The following CASR variants were observed in gnomAD, a reference collection of about 807,000 sequenced individuals.
CASR encodes extracellular calcium-sensing receptor.
CASR carries 23 observed loss-of-function variants against 69.1 expected under a neutral mutation model. The ratio of observed to expected loss-of-function variants is 0.33; its 90% CI spans 0.24 to 0.47. The LOEUF is 0.47. CASR is among the 20% of genes least tolerant of loss of function. The pLI is 1.00. For missense variants in CASR, 924 were observed against 1,356.1 expected, an observed-to-expected ratio of 0.68 and a Z score of 5.00; for synonymous variants, 541 against 544.7, an observed-to-expected ratio of 0.99 and a Z score of 0.10.
intron 6 of CASR, among the ~76,000 whole-genome samples, chr3:122,282,515 G>A (rs956757795): frequency 3.9e-5 from 6 of 152,142 alleles, no homozygotes; most frequent in African/African-American, 1.4e-4. Flanking sequence ...AGAGTTTAGT[G>A]GCCCTGCATG....
At chr3:122,210,176 A>G (rs2074049116) in intron 1 of CASR, among the ~76,000 whole-genome samples, 1 of 152,230 alleles carries the variant, frequency 6.6e-6, no homozygotes, top group East Asian at 1.9e-4. Context: ...GAAAATTGGC[A>G]CAAGACAAGG....
At chr3:122,202,727 C>A (rs568038656) in intron 1 of CASR, among the ~76,000 whole-genome samples, 1 of 152,038 alleles carries the variant, frequency 6.6e-6, no homozygotes, top group Non-Finnish European at 1.5e-5. Context: ...GCTAAGAAAC[C>A]TTTCTTAAGA....
chr3:122,201,597 C>T (rs1483916240), intron 1 of CASR, among the ~76,000 whole-genome samples: 1 of 151,894 alleles, frequency 6.6e-6, no homozygotes. Context: ...GCACTCCTCA[C>T]CTCCCAGACA....
chr3:122,222,162 G>A (rs1324885130), intron 1 of CASR, among the ~76,000 whole-genome samples: 3 of 152,196 alleles, frequency 2.0e-5, no homozygotes, highest in African/African-American at 7.2e-5. Flanking sequence ...AAAGGGGACT[G>A]GAAGAGGCCC....
At chr3:122,239,814 C>G (rs1409643172) in intron 1 of CASR, among the ~76,000 whole-genome samples, 1 of 151,992 alleles carries the variant, frequency 6.6e-6, no homozygotes, top group Non-Finnish European at 1.5e-5. Context: ...ATCCAAGACC[C>G]CTATTTGGAA....
At chr3:122,226,895 A>G (rs2074228327) in intron 1 of CASR, among the ~76,000 whole-genome samples, 1 of 152,162 alleles carries the variant, frequency 6.6e-6, no homozygotes, top group Non-Finnish European at 1.5e-5. Flanking sequence ...ACAATCCTTG[A>G]GCTAGATACA....
At chr3:122,229,743 T>C (rs760786072) in intron 1 of CASR, among the ~76,000 whole-genome samples, 4 of 150,742 alleles carry the variant, frequency 2.7e-5, no homozygotes, top group Admixed American at 6.6e-5. Flanking sequence ...ACACCTGTAA[T>C]CTCAGCTACT....
chr3:122,232,101 C>A (rs1286379383), intron 1 of CASR, among the ~76,000 whole-genome samples: 1 of 152,212 alleles, frequency 6.6e-6, no homozygotes, highest in Non-Finnish European at 1.5e-5. Flanking sequence ...TTCCTTGCAA[C>A]TGGACTGTAA....
chr3:122,245,950 C>A (rs1238770350), intron 1 of CASR, among the ~76,000 whole-genome samples: 1 of 152,118 alleles, frequency 6.6e-6, no homozygotes, highest in African/African-American at 2.4e-5. Context: ...ACTGACAAAT[C>A]GGGGGGAAAA....
intron 1 of CASR, among the ~76,000 whole-genome samples, chr3:122,210,360 G>T (rs12489909): frequency 0.73 from 110,249 of 152,060 alleles, 40,204 homozygotes; most frequent in Admixed American, 0.82. Context: ...CCCAAAAGCT[G>T]CTTAAGCTGA....
intron 1 of CASR, among the ~76,000 whole-genome samples, chr3:122,210,438 C>T (rs1215482583): frequency 2.0e-5 from 3 of 152,060 alleles, no homozygotes; most frequent in South Asian, 2.1e-4. Context: ...TTTCTATACA[C>T]CGGCAATATA....
chr3:122,272,877 T>C (rs988405349), intron 4 of CASR, among the ~76,000 whole-genome samples: 4 of 152,244 alleles, frequency 2.6e-5, no homozygotes, highest in African/African-American at 9.6e-5. Context: ...CCTTTGAAGT[T>C]AGGATTATGG....
chr3:122,190,123 G>A (rs1471201296), intron 1 of CASR, among the ~76,000 whole-genome samples: 1 of 152,084 alleles, frequency 6.6e-6, no homozygotes, highest in Non-Finnish European at 1.5e-5. Flanking sequence ...GTGACACTCA[G>A]GCTGAGGCTC....
Position 122,288,070 on chromosome 3 carries a change from G to C in CASR, c.*2879G>C, listed in dbSNP as rs2074985075. The C allele has an allele frequency of 1.3e-5, 2 of 152,258 alleles. No homozygotes were observed. The highest frequency in any genetic ancestry group is 6.5e-5 in the Admixed American group (1 of 15,292). 9.4% of individuals were successfully genotyped at this position (152,258 alleles called of 1,614,324 possible). ...ATTAAAGTATAGTGGAATTAAGATT[G>C]CTAATCAGCTGACCTTGAGATAGGA... is the stretch of plus-strand genomic sequence containing the variant. On this transcript the variant is annotated 3_prime_UTR_variant, in exon 7 of 7. Coordinates refer to ENST00000639785, the MANE Select transcript of CASR (RefSeq NM_000388.4).
At chr3:122,227,432 C>T (rs1341859503) in intron 1 of CASR, among the ~76,000 whole-genome samples, 2 of 152,228 alleles carry the variant, frequency 1.3e-5, no homozygotes, top group African/African-American at 2.4e-5. Context: ...TGCTAAGCCC[C>T]TCACTGCCCG....
Position 122,286,970 on chromosome 3 carries a change from G to A in CASR, c.*1779G>A, listed in dbSNP as rs368318259. The A allele has an allele frequency of 7.2e-5, 11 of 152,156 alleles. No individual in the cohort carries two copies. Among genetic ancestry groups the A allele is most frequent in the East Asian group, 1.9e-4 (1 of 5,198 alleles). The allele number at this position is 152,156 out of a possible 1,614,324, so 9.4% of individuals were successfully genotyped here. Reference sequence around the variant, plus strand: ...TCATTAGAGGGCACCATGTGGGAGCGCGACTGTGAGCAGAAGGTGGTGACT... The same window carrying A: ...TCATTAGAGGGCACCATGTGGGAGCACGACTGTGAGCAGAAGGTGGTGACT... On this transcript the variant is annotated 3_prime_UTR_variant, in exon 7 of 7. Transcript: ENST00000639785.
intron 5 of CASR, among the ~76,000 whole-genome samples, chr3:122,277,125 T>C (rs2074832214): frequency 6.6e-6 from 1 of 150,804 alleles, no homozygotes; most frequent in Admixed American, 6.7e-5. Context: ...CTCGGCTCGC[T>C]GAAGCCTCTG....
At chr3:122,192,826 G>A (rs1020953043) in intron 1 of CASR, among the ~76,000 whole-genome samples, 7 of 152,138 alleles carry the variant, frequency 4.6e-5, no homozygotes, top group Non-Finnish European at 7.4e-5. Flanking sequence ...ATGATGGTAA[G>A]GCTGATCCAT....
At chr3:122,236,297 G>T (rs2074328687) in intron 1 of CASR, among the ~76,000 whole-genome samples, 1 of 152,196 alleles carries the variant, frequency 6.6e-6, no homozygotes, top group Non-Finnish European at 1.5e-5. Context: ...TAGCAATGGA[G>T]AATCTTCTCA....
Sources: gnomAD v4.1 joint callset for allele counts (sites outside exome capture counted in the v4.1 genomes callset) on GRCh38, gnomAD v4.1.1 for gene constraint, MANE v1.5 for transcripts, NCBI Gene and HGNC (gene_info 2026-07-23, HGNC 2026-07-21) for gene names.